Variants in PRKCE observed in about 807,000 individuals in gnomAD.
PRKCE encodes protein kinase C epsilon.
PRKCE carries 16 observed loss-of-function variants against 85.4 expected under a neutral mutation model. The ratio of observed to expected loss-of-function variants is 0.19; its 90% CI spans 0.13 to 0.28. The LOEUF (loss-of-function observed/expected upper bound fraction) is 0.28, where lower values mean the gene tolerates loss of function less well. Among genes scored for constraint, PRKCE ranks in the 10% least tolerant of loss-of-function variants. The pLI is 1.00. For synonymous variants in PRKCE, 388 were observed against 371.5 expected (o/e 1.04, Z -0.51); for missense variants, 573 against 975.2 (o/e 0.59, Z 5.49).
chr2:45,710,184 C>G (rs1009937090), intron 1 of PRKCE, among the ~76,000 whole-genome samples: 2 of 152,204 alleles, frequency 1.3e-5, no homozygotes, highest in African/African-American at 2.4e-5. Flanking sequence ...CTCACTTAAC[C>G]CCTGTAACAA....
chr2:45,970,973 C>T (rs753242660), intron 2 of PRKCE, among the ~76,000 whole-genome samples: 1 of 151,732 alleles, frequency 6.6e-6, no homozygotes, highest in Non-Finnish European at 1.5e-5. Flanking sequence ...ATCAGACACA[C>T]GCATATTACC....
intron 11 of PRKCE, among the ~76,000 whole-genome samples, chr2:46,087,454 G>A (rs979919512): frequency 1.3e-5 from 2 of 152,120 alleles, no homozygotes; most frequent in African/African-American, 2.4e-5. Context: ...TGGGAGCAGT[G>A]CCCTGGCCAG....
At chr2:46,176,525 A>C (rs1171806925) in intron 14 of PRKCE, among the ~76,000 whole-genome samples, 1 of 152,198 alleles carries the variant, frequency 6.6e-6, no homozygotes, top group Non-Finnish European at 1.5e-5. Flanking sequence ...TATTAAAGGA[A>C]GTTTCTATAA....
In PRKCE at chr2:46,186,582, T is replaced by G. The variant is rs1000797990; in HGVS notation, c.*1701T>G. ...TGTTCCTTTATGGGGGATGGGGGGGTGTGTTGGGGATTCTTTGTATTGTTT... is the reference window on the plus strand; with the variant it reads ...TGTTCCTTTATGGGGGATGGGGGGGGGTGTTGGGGATTCTTTGTATTGTTT... On this transcript the variant is annotated 3_prime_UTR_variant, in exon 15 of 15. Transcript: ENST00000306156. The G allele has an allele frequency of 6.6e-6, 1 of 151,324 alleles. No homozygotes were observed. The highest frequency in any genetic ancestry group is 6.6e-5 in the Admixed American group (1 of 15,134). The allele number at this position is 151,324 out of a possible 1,614,324, so 9.4% of individuals were successfully genotyped here.
At chr2:45,824,922 C>T (rs940065043) in intron 1 of PRKCE, among the ~76,000 whole-genome samples, 1 of 152,072 alleles carries the variant, frequency 6.6e-6, no homozygotes, top group African/African-American at 2.4e-5. Context: ...TTTTCTGGGC[C>T]AAGAAAGCTG....
At chr2:46,175,050 C>G (rs1250386129) in intron 14 of PRKCE, among the ~76,000 whole-genome samples, 2 of 152,030 alleles carry the variant, frequency 1.3e-5, no homozygotes, top group Non-Finnish European at 2.9e-5. Flanking sequence ...TTCCTTCCTT[C>G]CTTGTTTTTC....
chr2:45,920,198 A>G, intron 2 of PRKCE, among the ~76,000 whole-genome samples: 1 of 152,242 alleles, frequency 6.6e-6, no homozygotes, highest in East Asian at 1.9e-4. Flanking sequence ...ATGTATCTTA[A>G]GGTCTAATGG....
chr2:45,903,881 GTTTT>G (rs34124689), intron 2 of PRKCE, among the ~76,000 whole-genome samples: 10 of 117,208 alleles, frequency 8.5e-5, no homozygotes, highest in African/African-American at 3.7e-4. Flanking sequence ...TAGCCTGGCA[GTTTT>G]TTTTTGTTTG....
chr2:45,674,300 A>T (rs376925047), intron 1 of PRKCE, among the ~76,000 whole-genome samples: 1 of 152,196 alleles, frequency 6.6e-6, no homozygotes, highest in Non-Finnish European at 1.5e-5. Flanking sequence ...GTAATGAGAT[A>T]TATAAGACTG....
At chr2:46,182,504 G>C (rs1288110800) in intron 14 of PRKCE, among the ~76,000 whole-genome samples, 1 of 152,124 alleles carries the variant, frequency 6.6e-6, no homozygotes, top group Non-Finnish European at 1.5e-5. Flanking sequence ...GGGGCATCAT[G>C]GACACCCCTC....
At chr2:46,151,694 G>A (rs1035394044) in intron 13 of PRKCE, among the ~76,000 whole-genome samples, 1 of 152,240 alleles carries the variant, frequency 6.6e-6, no homozygotes, top group Non-Finnish European at 1.5e-5. Context: ...CTGTGTCCAC[G>A]ACAGCATCAC....
intron 1 of PRKCE, among the ~76,000 whole-genome samples, chr2:45,731,667 A>T (rs1681589906): frequency 7.4e-6 from 1 of 134,684 alleles, no homozygotes; most frequent in Non-Finnish European, 1.5e-5. Flanking sequence ...TCTGTTGCCC[A>T]GGAAGAAGTG....
intron 1 of PRKCE, among the ~76,000 whole-genome samples, chr2:45,805,955 C>T (rs529565159): frequency 1.3e-5 from 2 of 152,318 alleles, no homozygotes; most frequent in South Asian, 4.1e-4. Context: ...AAGAAATGAC[C>T]TTCAGAGAGG....
At chr2:46,089,958 T>C (rs1670006371) in intron 11 of PRKCE, among the ~76,000 whole-genome samples, 1 of 152,130 alleles carries the variant, frequency 6.6e-6, no homozygotes, top group South Asian at 2.1e-4. Context: ...GCATCAGTGG[T>C]TCCCAGATTG....
At chr2:46,125,242 C>T (rs1673732394) in intron 11 of PRKCE, among the ~76,000 whole-genome samples, 1 of 152,070 alleles carries the variant, frequency 6.6e-6, no homozygotes, top group Non-Finnish European at 1.5e-5. Flanking sequence ...CTGTAGAGCT[C>T]AGTAATACAA....
chr2:45,958,804 ATATATATATATATTTTTTTTTTTTTTTT>A (rs1366612734), intron 2 of PRKCE, among the ~76,000 whole-genome samples: 4 of 21,386 alleles, frequency 1.9e-4, no homozygotes, highest in African/African-American at 7.9e-4. Context: ...ATATATATAT[ATATATATATATATTTTTTTTTTTTTTTT>A]TTTTTTTTTT....
intron 10 of PRKCE, among the ~76,000 whole-genome samples, chr2:46,042,778 C>T (rs1341528341): frequency 6.6e-6 from 1 of 152,208 alleles, no homozygotes; most frequent in Non-Finnish European, 1.5e-5. Context: ...CCACCTAGTT[C>T]TTCCTGGCTA....
At chr2:45,844,621 A>T (rs956023692) in intron 2 of PRKCE, among the ~76,000 whole-genome samples, 1 of 152,242 alleles carries the variant, frequency 6.6e-6, no homozygotes, top group Admixed American at 6.5e-5. Context: ...CTGATTCTAG[A>T]CACTGGCGAA....
chr2:46,078,969 GA>G (rs1229937078), intron 10 of PRKCE: 1 of 152,136 alleles, frequency 6.6e-6, no homozygotes, highest in Non-Finnish European at 1.5e-5. Flanking sequence ...ACGAGGTCAG[GA>G]GATCAAAACC....
Sources: gnomAD v4.1 joint callset for allele counts (sites outside exome capture counted in the v4.1 genomes callset) on GRCh38, gnomAD v4.1.1 for gene constraint, MANE v1.5 for transcripts, NCBI Gene and HGNC (gene_info 2026-07-23, HGNC 2026-07-21) for gene names.